CDH12: variants seen among roughly 807,000 people sequenced by gnomAD.
CDH12 encodes the protein cadherin-12.
A neutral mutation model predicts 74.1 loss-of-function variants in CDH12; 41 were observed. That is an observed-to-expected ratio of 0.55 (90% CI 0.43 to 0.72). CDH12 has a LOEUF of 0.72. Ranked by LOEUF, CDH12 falls within the 30% of genes least tolerant of loss-of-function variation. The pLI is 0.00. For missense variants in CDH12, 945 were observed against 977.2 expected (o/e 0.97, Z 0.44); for synonymous variants, 399 against 355.0 (o/e 1.12, Z -1.39).
At chr5:22,278,304 C>T (rs537830957) in intron 3 of CDH12, among the ~76,000 whole-genome samples, 2 of 152,256 alleles carry the variant, frequency 1.3e-5, no homozygotes, top group South Asian at 2.1e-4. Flanking sequence ...ATTTTGCCAA[C>T]ATTTTACATT....
chr5:22,341,685 A>C (rs1257481789), intron 3 of CDH12, among the ~76,000 whole-genome samples: 1 of 152,106 alleles, frequency 6.6e-6, no homozygotes, highest in Non-Finnish European at 1.5e-5. Context: ...TTTCAGGCAG[A>C]AGTTGTTTTA....
chr5:22,735,643 TATCAGAAAACAA>T (rs1331973548), intron 1 of CDH12, among the ~76,000 whole-genome samples: 4 of 151,936 alleles, frequency 2.6e-5, no homozygotes, highest in African/African-American at 9.7e-5. Flanking sequence ...TTACACATTA[TATCAGAAAACAA>T]ATCTCGTTAG....
chr5:22,067,642 G>A (rs907648365), intron 5 of CDH12, among the ~76,000 whole-genome samples: 4 of 152,136 alleles, frequency 2.6e-5, no homozygotes, highest in Admixed American at 1.3e-4. Context: ...GGGATGCTGT[G>A]TGGCATCTTT....
intron 11 of CDH12, chr5:21,779,435 T>C (rs951107850): frequency 1.3e-5 from 2 of 152,158 alleles, no homozygotes; most frequent in African/African-American, 4.8e-5. Context: ...TGTTGAAACT[T>C]TCTGATAATT....
intron 1 of CDH12, among the ~76,000 whole-genome samples, chr5:22,666,937 A>G (rs1026077790): frequency 1.3e-5 from 2 of 152,180 alleles, no homozygotes; most frequent in East Asian, 3.9e-4. Flanking sequence ...TTTTGTTCTT[A>G]TATCTGACTC....
rs537421271 is a variant in CDH12, at chr5:22,447,489, G to A, written c.-427-42138C>T. Among the ~76,000 whole-genome samples, 194 of 152,090 alleles carry A rather than the reference G, an allele frequency of 1.3e-3. No individual in the cohort carries two copies. The South Asian group carries it at 0.039, about 30-fold the overall frequency. On this transcript the variant is annotated intron_variant, in intron 2 of 14. Coordinates refer to ENST00000382254, the MANE Select transcript of CDH12 (RefSeq NM_004061.5). ...TTGAATTGATATAAAAAATTCTGAT[G>A]TATTTAATCAGTGGAGACAGTAACA...
chr5:21,894,294 G>T (rs1476088215), intron 6 of CDH12, among the ~76,000 whole-genome samples: 1 of 150,492 alleles, frequency 6.6e-6, no homozygotes, highest in Admixed American at 6.7e-5. Context: ...CAGGAGAATT[G>T]CTTGAACCCG....
intron 5 of CDH12, among the ~76,000 whole-genome samples, chr5:22,075,427 G>T (rs998994777): frequency 4.4e-4 from 67 of 151,622 alleles, no homozygotes; most frequent in African/African-American, 1.5e-3. Flanking sequence ...AAACCTGCAC[G>T]TTGTGCACAT....
At chr5:22,618,269 T>G (rs1295027696) in intron 1 of CDH12, among the ~76,000 whole-genome samples, 1 of 152,132 alleles carries the variant, frequency 6.6e-6, no homozygotes, top group Non-Finnish European at 1.5e-5. Flanking sequence ...TGACCACAAG[T>G]TGAGAATTGC....
At chr5:22,544,652 C>T (rs1210049632) in intron 1 of CDH12, among the ~76,000 whole-genome samples, 6 of 151,714 alleles carry the variant, frequency 4.0e-5, no homozygotes, top group African/African-American at 1.5e-4. Flanking sequence ...TCTGTCTCTA[C>T]AAAAAAATAC....
intron 1 of CDH12, among the ~76,000 whole-genome samples, chr5:22,716,297 G>A (rs373743): frequency 0.27 from 41,328 of 151,884 alleles, 5,737 homozygotes; most frequent in South Asian, 0.31. Context: ...GAATACAATC[G>A]TATACTGCAT....
intron 2 of CDH12, among the ~76,000 whole-genome samples, chr5:22,464,908 A>G (rs1745662672): frequency 6.6e-6 from 1 of 151,614 alleles, no homozygotes; most frequent in Non-Finnish European, 1.5e-5. Flanking sequence ...TGGCTGAGAT[A>G]GGAGAATGGC....
chr5:21,878,901 A>C (rs982362833), intron 6 of CDH12, among the ~76,000 whole-genome samples: 2 of 149,194 alleles, frequency 1.3e-5, no homozygotes, highest in South Asian at 4.3e-4. Context: ...AAGAAGAAAG[A>C]AAAAGAAAAG....
At chr5:22,557,006 C>T (rs1738829599) in intron 1 of CDH12, among the ~76,000 whole-genome samples, 2 of 151,996 alleles carry the variant, frequency 1.3e-5, no homozygotes, top group Non-Finnish European at 2.9e-5. Flanking sequence ...TAACACCCTC[C>T]AGTACTTTTC....
At chr5:22,285,263 T>A (rs189212380) in intron 3 of CDH12, among the ~76,000 whole-genome samples, 1 of 152,224 alleles carries the variant, frequency 6.6e-6, no homozygotes, top group East Asian at 1.9e-4. Context: ...TTAAAATAAA[T>A]CTTGAGTCAT....
chr5:22,654,542 G>A (rs184260671), intron 1 of CDH12, among the ~76,000 whole-genome samples: 88 of 149,954 alleles, frequency 5.9e-4, no homozygotes, highest in African/African-American at 2.0e-3. Flanking sequence ...TGCCTGCCTC[G>A]GCCTCCCAAA....
chr5:22,107,170 TTGC>T (rs1028714063), intron 4 of CDH12, among the ~76,000 whole-genome samples: 1 of 151,842 alleles, frequency 6.6e-6, no homozygotes, highest in African/African-American at 2.4e-5. Context: ...TTTGCTCTTG[TTGC>T]CCAGGCTAGA....
At chr5:22,184,992 C>CCTCCCCT (rs1749851384) in intron 4 of CDH12, among the ~76,000 whole-genome samples, 1 of 152,018 alleles carries the variant, frequency 6.6e-6, no homozygotes, top group Admixed American at 6.6e-5. Flanking sequence ...TTCCTGATCC[C>CCTCCCCT]CTCCCCTCTC....
At chr5:21,916,546 G>A (rs1754104225) in intron 6 of CDH12, among the ~76,000 whole-genome samples, 1 of 150,832 alleles carries the variant, frequency 6.6e-6, no homozygotes, top group Non-Finnish European at 1.5e-5. Flanking sequence ...CCTATTGGAA[G>A]CCAGCTTTGG....
Sources: gnomAD v4.1 joint callset for allele counts (sites outside exome capture counted in the v4.1 genomes callset) on GRCh38, gnomAD v4.1.1 for gene constraint, MANE v1.5 for transcripts, NCBI Gene and HGNC (gene_info 2026-07-23, HGNC 2026-07-21) for gene names.